Variants in STXBP4 observed in about 807,000 individuals in gnomAD.
STXBP4 encodes syntaxin binding protein 4.
Under a neutral mutation model 76.1 loss-of-function variants are expected in STXBP4, and 55 were observed. That is an observed-to-expected ratio of 0.72 (90% CI 0.58 to 0.91). The LOEUF is 0.91. STXBP4 is among the 40% of genes least tolerant of loss of function. STXBP4 has a pLI of 0.00. For synonymous variants in STXBP4, 201 were observed against 220.2 expected (o/e 0.91, Z 0.77); for missense variants, 618 against 636.9 (o/e 0.97, Z 0.32).
chr17:55,146,305 ATT>A (rs1031815730), intron 17 of STXBP4, among the ~76,000 whole-genome samples: 2 of 152,138 alleles, frequency 1.3e-5, no homozygotes, highest in Non-Finnish European at 2.9e-5. Context: ...TTCTTACTCA[ATT>A]TTAGAGCATC....
chr17:55,117,807 G>C (rs981890433), intron 16 of STXBP4, among the ~76,000 whole-genome samples: 1 of 151,904 alleles, frequency 6.6e-6, no homozygotes, highest in African/African-American at 2.4e-5. Flanking sequence ...TTTAGGTTCT[G>C]TTCTCTCCAT....
chr17:55,122,773 C>A (rs559984336), intron 16 of STXBP4, among the ~76,000 whole-genome samples: 71 of 152,094 alleles, frequency 4.7e-4, no homozygotes, highest in African/African-American at 1.5e-3. Flanking sequence ...ACTTCCAAAG[C>A]AGATTAAAAT....
intron 16 of STXBP4, among the ~76,000 whole-genome samples, chr17:55,113,796 GT>G (rs1355935701): frequency 6.6e-6 from 1 of 151,996 alleles, no homozygotes; most frequent in Non-Finnish European, 1.5e-5. Context: ...ACTTTTGTGT[GT>G]TGTTTGTTTG....
chr17:55,154,757 G>GTT (rs962892036), intron 17 of STXBP4, among the ~76,000 whole-genome samples: 1 of 151,950 alleles, frequency 6.6e-6, no homozygotes, highest in African/African-American at 2.4e-5. Context: ...TCTTTTCAGT[G>GTT]TTTATCTTTT....
intron 16 of STXBP4, among the ~76,000 whole-genome samples, chr17:55,081,580 A>G (rs2079255723): frequency 6.6e-6 from 1 of 152,228 alleles, no homozygotes; most frequent in African/African-American, 2.4e-5. Context: ...AATATAACAG[A>G]CAAAACTGCT....
rs2080379241 is a variant in STXBP4, at chr17:55,166,748, C to G, written c.*6837C>G. ...GGAGTGGTAGAGCAAGAACTTCCACCTCAAGAGAGTTGCTGGCCTGTTTGT... is the reference window on the plus strand; with the variant it reads ...GGAGTGGTAGAGCAAGAACTTCCACGTCAAGAGAGTTGCTGGCCTGTTTGT... On this transcript the variant is annotated 3_prime_UTR_variant, in exon 18 of 18. Transcript: ENST00000376352. The G allele has an allele frequency of 6.6e-6, 1 of 152,260 alleles. No homozygotes were observed. 9.4% of individuals were successfully genotyped at this position (152,260 alleles called of 1,614,324 possible).
intron 8 of STXBP4, among the ~76,000 whole-genome samples, chr17:55,014,358 A>C (rs973570524): frequency 6.6e-6 from 1 of 152,136 alleles, no homozygotes; most frequent in African/African-American, 2.4e-5. Flanking sequence ...TTTTGCTAGA[A>C]TGTCTCTCCC....
chr17:55,020,391 T>C (rs1384398150), intron 8 of STXBP4, among the ~76,000 whole-genome samples: 2 of 152,254 alleles, frequency 1.3e-5, no homozygotes, highest in Admixed American at 1.3e-4. Flanking sequence ...AACTTAAATA[T>C]GTTAAACATG....
At position 55,162,168 on chromosome 17, in the gene STXBP4, T is replaced by A. The variant is rs1481057468; in HGVS notation, c.*2257T>A. On this transcript the variant is annotated 3_prime_UTR_variant, in exon 18 of 18. Coordinates refer to ENST00000376352, the MANE Select transcript of STXBP4 (RefSeq NM_178509.6). Reference sequence around the variant, plus strand: ...GTTGGCCACTCTCTCAGATTCCCTCTTCATAAAGCTTCCGTGACTTCTAAA... The same window carrying A: ...GTTGGCCACTCTCTCAGATTCCCTCATCATAAAGCTTCCGTGACTTCTAAA... The A allele has an allele frequency of 6.6e-6, 1 of 152,216 alleles. No individual in the cohort carries two copies. The allele number at this position is 152,216 out of a possible 1,614,324, so 9.4% of individuals were successfully genotyped here. A position where few individuals can be genotyped will look rare whatever the true frequency, so the allele number is the denominator to read the frequency against.
the STXBP4 span, among the ~76,000 whole-genome samples, chr17:55,198,059 C>A: frequency 6.6e-6 from 1 of 152,212 alleles, no homozygotes; most frequent in Non-Finnish European, 1.5e-5. Flanking sequence ...TTTACAGAAT[C>A]TTCTGGGGTC....
intron 7 of STXBP4, among the ~76,000 whole-genome samples, chr17:55,001,925 C>G (rs78136893): frequency 0.16 from 23,836 of 152,198 alleles, 2,349 homozygotes; most frequent in Admixed American, 0.31. Context: ...AGCCACCGCT[C>G]GTGCCTGGCT....
intron 11 of STXBP4, among the ~76,000 whole-genome samples, chr17:55,045,441 A>G (rs1654016863): frequency 6.6e-6 from 1 of 152,054 alleles, no homozygotes; most frequent in Admixed American, 6.6e-5. Flanking sequence ...GGTTTATCAG[A>G]ATTTTCAGAG....
chr17:55,099,258 C>T (rs991199208), intron 16 of STXBP4, among the ~76,000 whole-genome samples: 9 of 152,022 alleles, frequency 5.9e-5, no homozygotes, highest in East Asian at 1.9e-4. Context: ...GTTTCACTTC[C>T]GAAGTCTATA....
Position 55,118,898 on chromosome 17 carries a change from T to C in STXBP4, c.1490-22412T>C, listed in dbSNP as rs370096283. Among the ~76,000 whole-genome samples the C allele has an allele frequency of 1.4e-3, 206 of 150,854 alleles. 7 individuals are homozygous for C. The South Asian group carries it at 0.042, about 31-fold the overall frequency. ...AAAGACTCCATCACCATTAGTATTT[T>C]TTAGAACCACTTTCTCCAAAAAGTG... On this transcript the variant is annotated intron_variant, in intron 16 of 17. Coordinates refer to ENST00000376352, the MANE Select transcript of STXBP4 (RefSeq NM_178509.6).
chr17:55,143,035 T>G (rs1055248455), intron 17 of STXBP4, among the ~76,000 whole-genome samples: 3 of 152,226 alleles, frequency 2.0e-5, no homozygotes, highest in Non-Finnish European at 2.9e-5. Context: ...ATTTCTTTCT[T>G]TCTCTCTTTT....
At chr17:54,999,278 A>G (rs2077866949) in intron 4 of STXBP4, 67 bp from the exon 5 acceptor site, 2 of 1,326,522 alleles carry the variant, frequency 1.5e-6, no homozygotes, top group Admixed American at 4.5e-5. Context: ...CATTGCTTTA[A>G]TTACATCAAT....
intron 1 of STXBP4, among the ~76,000 whole-genome samples, chr17:54,985,215 A>C (rs1398970503): frequency 6.6e-6 from 1 of 152,204 alleles, no homozygotes; most frequent in Admixed American, 6.5e-5. Flanking sequence ...CACCTACTGT[A>C]CCTCTGTAGA....
At chr17:55,098,907 C>T (rs1567761164) in intron 16 of STXBP4, among the ~76,000 whole-genome samples, 1 of 152,122 alleles carries the variant, frequency 6.6e-6, no homozygotes, top group African/African-American at 2.4e-5. Flanking sequence ...TAGCTAACAC[C>T]TAGAACAGTG....
intron 4 of STXBP4, chr17:54,991,663 A>C (rs1443346046): frequency 6.6e-6 from 1 of 151,560 alleles, no homozygotes; most frequent in Non-Finnish European, 1.5e-5. Context: ...AATTGCCTCC[A>C]TTTGATTTTG....
Sources: allele counts gnomAD v4.1 joint callset (sites outside exome capture counted in the v4.1 genomes callset), GRCh38; gene constraint gnomAD v4.1.1; transcripts MANE v1.5; gene names NCBI Gene and HGNC (gene_info 2026-07-23, HGNC 2026-07-21).